Variants in CDC42BPB observed in about 807,000 individuals in gnomAD.
The protein encoded by CDC42BPB is serine/threonine-protein kinase MRCK beta.
A neutral mutation model predicts 214.9 loss-of-function variants in CDC42BPB; 37 were observed. The ratio of observed to expected loss-of-function variants is 0.17; its 90% CI spans 0.13 to 0.23. The LOEUF (loss-of-function observed/expected upper bound fraction) is 0.23, where lower values mean the gene tolerates loss of function less well. Ranked by LOEUF, CDC42BPB falls within the 10% of genes least tolerant of loss-of-function variation. The probability of loss-of-function intolerance (pLI) is 1.00; values close to 1 mark genes in which losing one functional copy is unlikely to be tolerated. For synonymous variants in CDC42BPB, 931 were observed against 884.0 expected, an observed-to-expected ratio of 1.05 and a Z score of -0.94; for missense variants, 1,694 against 2,227.0, an observed-to-expected ratio of 0.76 and a Z score of 4.82.
chr14:102,957,253 C>CAGAG (rs1892753930), intron 21 of CDC42BPB, among the ~76,000 whole-genome samples: 1 of 150,096 alleles, frequency 6.7e-6, no homozygotes, highest in Admixed American at 6.6e-5. Flanking sequence ...CAAGGGCAGG[C>CAGAG]GTGCTGGCTG....
At chr14:102,983,248 C>A (rs568893569) in intron 7 of CDC42BPB, among the ~76,000 whole-genome samples, 4 of 152,310 alleles carry the variant, frequency 2.6e-5, no homozygotes, top group Admixed American at 6.5e-5. Context: ...TCTACAGAAA[C>A]CTGCCTTCCC....
intron 5 of CDC42BPB, among the ~76,000 whole-genome samples, chr14:102,989,924 T>C (rs952184465): frequency 2.7e-5 from 4 of 150,750 alleles, no homozygotes; most frequent in African/African-American, 9.7e-5. Context: ...ATTTACAGGA[T>C]ACATCACTAA....
Position 102,968,275 on chromosome 14 carries a change from T to G in CDC42BPB, c.2324A>C (p.Lys775Thr), listed in dbSNP as rs1309175294. The stretch of plus-strand genomic sequence containing the variant: ...TACCTTTTCATTTTCAGCAGTTAGC[T>G]TCTTGTTTTCATCAAACAGCATCGC... ...ERAMLFDENK[K>T]LTAENEKLCS... The change falls in exon 16 of 37, where the codon AAG becomes ACG. Residue 775 changes from lysine (K) to threonine (T), a missense_variant. Lys to Thr is a moderately conservative substitution (Grantham distance 78). Coordinates refer to ENST00000361246, the MANE Select transcript of CDC42BPB (RefSeq NM_006035.4). The G allele has an allele frequency of 6.2e-7, 1 of 1,613,672 alleles. No homozygotes were observed. Among genetic ancestry groups the G allele is most frequent in the Non-Finnish European group, 8.5e-7 (1 of 1,179,622 alleles).
chr14:103,006,886 AT>A (rs1445091058), intron 3 of CDC42BPB, among the ~76,000 whole-genome samples: 8 of 152,242 alleles, frequency 5.3e-5, no homozygotes, highest in Admixed American at 2.0e-4. Flanking sequence ...CCACCATGAC[AT>A]TTAGGTAAAT....
At chr14:102,999,885 G>A in intron 4 of CDC42BPB, 172 bp from the exon 5 acceptor site, 3 of 985,428 alleles carry the variant, frequency 3.0e-6, no homozygotes, top group Non-Finnish European at 3.6e-6. Flanking sequence ...GCCCCGATGC[G>A]TCCACGACGC....
Position 102,997,572 on chromosome 14 carries a change from G to C in CDC42BPB, c.596+1993C>G, listed in dbSNP as rs115941725. 9.9e-3 allele frequency among the ~76,000 whole-genome samples: 1,511 copies of C among 152,282 alleles called. 26 individuals are homozygous for C. The highest frequency in any genetic ancestry group is 0.035 in the African/African-American group (1,456 of 41,550). ...ACGTGGAAGAGAGGAGGGGAACGAT[G>C]GAAGGGACAGCGCCAAGGAAAACCA... On this transcript the variant is annotated intron_variant, in intron 5 of 36. Coordinates refer to ENST00000361246, the MANE Select transcript of CDC42BPB (RefSeq NM_006035.4).
chr14:102,946,348 G>T, intron 28 of CDC42BPB, 120 bp downstream of exon 28: 2 of 1,109,758 alleles, frequency 1.8e-6, no homozygotes, highest in South Asian at 1.5e-5. Flanking sequence ...CATGCATGGA[G>T]AAACTGTCTA....
intron 7 of CDC42BPB, among the ~76,000 whole-genome samples, chr14:102,982,695 T>A (rs28760288): frequency 0.061 from 9,342 of 151,952 alleles, 340 homozygotes; most frequent in African/African-American, 0.097. Context: ...CGCTTGAACC[T>A]GGGAGGCATA....
chr14:102,961,416 C>T (rs1054377390), intron 20 of CDC42BPB, among the ~76,000 whole-genome samples: 1 of 151,956 alleles, frequency 6.6e-6, no homozygotes, highest in Non-Finnish European at 1.5e-5. Flanking sequence ...CTCACTGCAA[C>T]CTCTGCCTCC....
At chr14:102,974,453 A>C (rs1364127124) in intron 11 of CDC42BPB, 1 of 749,876 alleles carries the variant, frequency 1.3e-6, no homozygotes, top group East Asian at 1.3e-4. Flanking sequence ...AGTCCCTCTA[A>C]CCTGTGTCAC....
In CDC42BPB at chr14:102,932,419, A is replaced by G. The variant is rs1474286618; in HGVS notation, c.*1293T>C. 6.6e-6 allele frequency: 1 copy of G among 152,272 alleles called. No individual in the cohort carries two copies. Among genetic ancestry groups the G allele is most frequent in the Non-Finnish European group, 1.5e-5 (1 of 68,026 alleles). 9.4% of individuals were successfully genotyped at this position (152,272 alleles called of 1,614,324 possible). On this transcript the variant is annotated 3_prime_UTR_variant, in exon 37 of 37. Transcript: ENST00000361246. Reference sequence around the variant, plus strand: ...CGTCTTCTGCTTTATTGACAGGTAAATTGTTCAAAAATGTTCTCACAATTC... The same window carrying G: ...CGTCTTCTGCTTTATTGACAGGTAAGTTGTTCAAAAATGTTCTCACAATTC...
At chr14:103,042,762 A>G (rs1321591338) in intron 1 of CDC42BPB, among the ~76,000 whole-genome samples, 2 of 152,208 alleles carry the variant, frequency 1.3e-5, no homozygotes, top group African/African-American at 4.8e-5. Context: ...ACGACTTCAC[A>G]CCCACTAGGA....
At position 102,947,203 on chromosome 14, in the gene CDC42BPB, C is replaced by T. The variant is rs1012679974; in HGVS notation, c.3531+518G>A. Among the ~76,000 whole-genome samples the T allele has an allele frequency of 8.5e-5, 13 of 152,282 alleles. 1 individual carries two copies. Among genetic ancestry groups the T allele is most frequent in the South Asian group, 8.3e-4 (4 of 4,830 alleles). On this transcript the variant is annotated intron_variant, in intron 27 of 36. Transcript: ENST00000361246. ...TAATTTATAGACTTAGTTTTGTTAT[C>T]AAAATTTTGCTGTTTATAAGAAAAT...
chr14:102,958,271 G>GT (rs2139420971), intron 21 of CDC42BPB, among the ~76,000 whole-genome samples: 1 of 152,316 alleles, frequency 6.6e-6, no homozygotes, highest in African/African-American at 2.4e-5. Context: ...AATAACTGCT[G>GT]AAGTATGTTG....
intron 26 of CDC42BPB, 55 bp downstream of exon 26, chr14:102,949,710 T>C: frequency 6.2e-7 from 1 of 1,607,698 alleles, no homozygotes; most frequent in Non-Finnish European, 8.5e-7. Flanking sequence ...TCCTTTTGGC[T>C]AAAGATAGCT....
At chr14:103,039,324 A>G (rs1232848419) in intron 1 of CDC42BPB, among the ~76,000 whole-genome samples, 1 of 151,328 alleles carries the variant, frequency 6.6e-6, no homozygotes, top group East Asian at 1.9e-4. Context: ...ACATACAAGG[A>G]AAGAAAACTA....
rs1274522169 is a variant in CDC42BPB at position 103,004,927 on chromosome 14, G to A, written c.352-904C>T. On this transcript the variant is annotated intron_variant, in intron 3 of 36. Transcript: ENST00000361246. The surrounding 1 kb of genome is among the most constrained non-coding windows in gnomAD (Gnocchi z 5.3). ...CCACACCTGTGGTCCCAGCAGTTTGGGAGGCCGAGGTGGGTGGATCACGAG... is the reference window on the plus strand; with the variant it reads ...CCACACCTGTGGTCCCAGCAGTTTGAGAGGCCGAGGTGGGTGGATCACGAG... Among the ~76,000 whole-genome samples the A allele has an allele frequency of 6.6e-6, 1 of 152,066 alleles. No individual in the cohort carries two copies. Among genetic ancestry groups the A allele is most frequent in the East Asian group, 1.9e-4 (1 of 5,186 alleles).
At chr14:103,003,360 C>T (rs1339540973) in intron 4 of CDC42BPB, among the ~76,000 whole-genome samples, 1 of 152,210 alleles carries the variant, frequency 6.6e-6, no homozygotes, top group African/African-American at 2.4e-5. Flanking sequence ...GCCGTGGAGG[C>T]GAACACGCTT....
intron 36 of CDC42BPB, among the ~76,000 whole-genome samples, chr14:102,936,121 G>A (rs1891637178): frequency 1.3e-5 from 2 of 152,194 alleles, no homozygotes; most frequent in Non-Finnish European, 2.9e-5. Flanking sequence ...TGAGGATGTC[G>A]AGATATGAGA....
Sources: allele counts gnomAD v4.1 joint callset (sites outside exome capture counted in the v4.1 genomes callset), GRCh38; gene constraint gnomAD v4.1.1; non-coding constraint Gnocchi (gnomAD v3.1); transcripts MANE v1.5; gene names NCBI Gene and HGNC (gene_info 2026-07-23, HGNC 2026-07-21).